Variants in STRBP observed in about 807,000 individuals in gnomAD.
The protein encoded by STRBP is spermatid perinuclear RNA-binding protein.
A neutral mutation model predicts 80.1 loss-of-function variants in STRBP; 13 were observed. The observed-to-expected ratio is 0.16, with a 90% CI of 0.11 to 0.26. STRBP has a LOEUF of 0.26. Among genes scored for constraint, STRBP ranks in the 10% least tolerant of loss-of-function variants. The probability of loss-of-function intolerance (pLI) is 1.00; values close to 1 mark genes in which losing one functional copy is unlikely to be tolerated. For synonymous variants in STRBP, 284 were observed against 291.2 expected, an observed-to-expected ratio of 0.98 and a Z score of 0.25; for missense variants, 485 against 815.2, an observed-to-expected ratio of 0.59 and a Z score of 4.93.
At chr9:123,263,716 T>C (rs897382272) in intron 1 of STRBP, among the ~76,000 whole-genome samples, 23 of 152,126 alleles carry the variant, frequency 1.5e-4, no homozygotes, top group Non-Finnish European at 3.1e-4. Flanking sequence ...GGGTAATTAT[T>C]TGATAACTAA....
intron 13 of STRBP, among the ~76,000 whole-genome samples, chr9:123,145,564 A>G (rs2036776668): frequency 6.6e-6 from 1 of 152,092 alleles, no homozygotes; most frequent in Non-Finnish European, 1.5e-5. Flanking sequence ...CCAAGGAGAA[A>G]TGCCCACCCG....
chr9:123,214,509 A>G (rs2039826571), intron 2 of STRBP, among the ~76,000 whole-genome samples: 1 of 152,190 alleles, frequency 6.6e-6, no homozygotes, highest in Non-Finnish European at 1.5e-5. Flanking sequence ...AAAATTTTTT[A>G]TTAAAAATTA....
At chr9:123,195,622 A>G (rs61610481) in intron 2 of STRBP, among the ~76,000 whole-genome samples, 5,252 of 152,282 alleles carry the variant, frequency 0.034, 308 homozygotes, top group African/African-American at 0.12. Flanking sequence ...CTAAATACCT[A>G]GGACTAAACG....
chr9:123,136,055 T>G lies in STRBP; in HGVS notation c.1759A>C (p.Lys587Gln). 1 of 1,614,154 alleles carries G rather than the reference T, an allele frequency of 6.2e-7. No individual in the cohort carries two copies. The highest frequency in any genetic ancestry group is 8.5e-7 in the Non-Finnish European group (1 of 1,180,000). ...GPNAANNKKK[K>Q]IIPQAKGVVN... ...TTTACTCATACCTGAGGGATAATCTTCTTTTTCTTATTATTTGCCGCATTG... is the reference window on the plus strand; with the variant it reads ...TTTACTCATACCTGAGGGATAATCTGCTTTTTCTTATTATTTGCCGCATTG... Residue 587 changes from lysine (K) to glutamine (Q), a missense_variant, in exon 16 of 19, where the codon AAG (lysine) becomes CAG (glutamine). Transcript: ENST00000348403. This position sits in a 1 kb window ranked among gnomAD's most constrained non-coding sequence, Gnocchi z 4.2.
chr9:123,252,845 A>G (rs923627765), intron 1 of STRBP, among the ~76,000 whole-genome samples: 1 of 152,206 alleles, frequency 6.6e-6, no homozygotes, highest in Admixed American at 6.5e-5. Flanking sequence ...CCCAGGGCCT[A>G]TTACTGAAGG....
chr9:123,149,155 A>G (rs1436392244), intron 11 of STRBP, among the ~76,000 whole-genome samples: 3 of 152,204 alleles, frequency 2.0e-5, no homozygotes, highest in Non-Finnish European at 4.4e-5. Context: ...GTGAAAGCCT[A>G]TAATAATAAT....
chr9:123,111,485 C>G (rs1195789843), intron 3 of STRBP: 4 of 349,694 alleles, frequency 1.1e-5, no homozygotes, highest in Non-Finnish European at 2.4e-5. Context: ...ACTTTCTGAC[C>G]ATCTTGGTTC....
At position 123,126,575 on chromosome 9, in the gene STRBP, G is replaced by C. The variant is rs887940299; in HGVS notation, c.1943-902C>G. Reference sequence around the variant, plus strand: ...AAGTATAATGTTAAAGGAGGAAAGGGAGGAACAAGAGAGAAAAAAAGACCA... The same window carrying C: ...AAGTATAATGTTAAAGGAGGAAAGGCAGGAACAAGAGAGAAAAAAAGACCA... On this transcript the variant is annotated intron_variant, in intron 18 of 18. Coordinates refer to ENST00000348403, the MANE Select transcript of STRBP (RefSeq NM_018387.5). This position sits in a 1 kb window ranked among gnomAD's most constrained non-coding sequence, Gnocchi z 4.4. Among the ~76,000 whole-genome samples, 1 of 152,056 alleles carries C rather than the reference G, an allele frequency of 6.6e-6. No homozygotes were observed. The highest frequency in any genetic ancestry group is 1.5e-5 in the Non-Finnish European group (1 of 68,014).
At chr9:123,154,361 G>A (rs1201212235) in intron 11 of STRBP, among the ~76,000 whole-genome samples, 5 of 152,138 alleles carry the variant, frequency 3.3e-5, no homozygotes, top group African/African-American at 1.2e-4. Context: ...CCCATTTCTG[G>A]AAAGTTCCAG....
intron 1 of STRBP, among the ~76,000 whole-genome samples, chr9:123,245,825 T>C (rs1168851272): frequency 1.3e-5 from 2 of 152,260 alleles, no homozygotes; most frequent in Non-Finnish European, 1.5e-5. Flanking sequence ...GTTAAGGATC[T>C]GGCTGTTAAC....
chr9:123,212,620 A>G (rs1022061663), intron 2 of STRBP: 1 of 152,204 alleles, frequency 6.6e-6, no homozygotes, highest in Non-Finnish European at 1.5e-5. Flanking sequence ...GGCTTTCCCA[A>G]GATAGATCCT....
At chr9:123,240,845 C>G (rs939215896) in intron 1 of STRBP, among the ~76,000 whole-genome samples, 2 of 152,158 alleles carry the variant, frequency 1.3e-5, no homozygotes, top group African/African-American at 4.8e-5. Context: ...CGCCTGGACT[C>G]CAAACTTGTA....
intron 14 of STRBP, among the ~76,000 whole-genome samples, 158 bp downstream of exon 14, chr9:123,139,371 C>T (rs945486921): frequency 6.6e-6 from 1 of 152,080 alleles, no homozygotes; most frequent in Non-Finnish European, 1.5e-5. Context: ...ATGAAAAAAA[C>T]TGGATGGAAA....
chr9:123,144,043 T>C (rs953000507), intron 13 of STRBP, among the ~76,000 whole-genome samples: 2 of 151,484 alleles, frequency 1.3e-5, no homozygotes, highest in African/African-American at 4.9e-5. Context: ...ACTAAAAATA[T>C]AAAAATTAGC....
chr9:123,180,972 TTATC>T (rs1212187054), intron 3 of STRBP: 2 of 975,100 alleles, frequency 2.1e-6, no homozygotes, highest in Non-Finnish European at 2.4e-6. Context: ...TTGTTCTTGT[TTATC>T]TATGTTTAAA....
At chr9:123,114,238 C>T (rs2035610357) in intron 3 of STRBP, 1 of 167,156 alleles carries the variant, frequency 6.0e-6, no homozygotes, top group South Asian at 2.1e-4. Flanking sequence ...CCGTCCATTT[C>T]AAAGCAAAAG....
At chr9:123,119,790 C>A (rs988866706), downstream of STRBP, among the ~76,000 whole-genome samples, 1 of 152,164 alleles carries the variant, frequency 6.6e-6, no homozygotes, top group Non-Finnish European at 1.5e-5. Context: ...TGTATTAACT[C>A]ATCTAATTCC....
Position 123,124,123 on chromosome 9 carries a change from C to T in STRBP, c.*1474G>A, listed in dbSNP as rs761421020. On this transcript the variant is annotated 3_prime_UTR_variant, in exon 19 of 19. Transcript: ENST00000348403. The stretch of plus-strand genomic sequence containing the variant: ...CCATTTCACCTTTATTTAGTGGTCC[C>T]GAAGGAATTTGGTACATACATTTGC... The T allele has an allele frequency of 4.1e-6, 4 of 985,274 alleles. No individual in the cohort carries two copies. Among genetic ancestry groups the T allele is most frequent in the South Asian group, 4.7e-5 (1 of 21,288 alleles). The allele number at this position is 985,274 out of a possible 1,614,324, so 61.0% of individuals were successfully genotyped here. A position where few individuals can be genotyped will look rare whatever the true frequency, so the allele number is the denominator to read the frequency against.
At chr9:123,159,467 T>G (rs2037430041) in intron 8 of STRBP, among the ~76,000 whole-genome samples, 1 of 152,198 alleles carries the variant, frequency 6.6e-6, no homozygotes, top group Non-Finnish European at 1.5e-5. Flanking sequence ...AAAGGATCAC[T>G]AGAGAAACTA....
Sources: gnomAD v4.1 joint callset for allele counts (sites outside exome capture counted in the v4.1 genomes callset) on GRCh38, gnomAD v4.1.1 for gene constraint, Gnocchi (gnomAD v3.1) non-coding constraint, MANE v1.5 for transcripts, NCBI Gene and HGNC (gene_info 2026-07-23, HGNC 2026-07-21) for gene names.